Variants in COL12A1 observed in about 807,000 individuals in gnomAD.
COL12A1 encodes collagen alpha-1(XII) chain.
Under a neutral mutation model 349.7 loss-of-function variants are expected in COL12A1, and 114 were observed. The observed-to-expected ratio is 0.33, with a 90% CI of 0.28 to 0.38. The LOEUF is 0.38. Among genes scored for constraint, COL12A1 ranks in the 10% least tolerant of loss-of-function variants. The pLI is 1.00. For missense variants in COL12A1, 3,284 were observed against 3,756.9 expected (o/e 0.87, Z 3.29); for synonymous variants, 1,369 against 1,329.0 (o/e 1.03, Z -0.66).
At chr6:75,130,733 G>T in intron 36 of COL12A1, 119 bp downstream of exon 36, 1 of 1,288,690 alleles carries the variant, frequency 7.8e-7, no homozygotes, top group African/African-American at 1.5e-5. Flanking sequence ...GTAAATGTAG[G>T]GGATCCCAGG....
At position 75,164,636 on chromosome 6, in the gene COL12A1, T is replaced by C. The variant is rs190027505; in HGVS notation, c.2983+871A>G. Among the ~76,000 whole-genome samples the C allele has an allele frequency of 5.4e-4, 82 of 152,294 alleles. 1 individual carries two copies. Among genetic ancestry groups the C allele is most frequent in the African/African-American group, 1.8e-3 (73 of 41,574 alleles). On this transcript the variant is annotated intron_variant, in intron 14 of 65. Transcript: ENST00000322507. ...GAGCAGAAGGTACAGAAATTTCCCA[T>C]GTACCTTTTCCCACCTCCACACATG... is the stretch of plus-strand genomic sequence containing the variant.
chr6:75,093,376 A>G (rs1358957607), intron 60 of COL12A1, among the ~76,000 whole-genome samples: 1 of 152,216 alleles, frequency 6.6e-6, no homozygotes, highest in African/African-American at 2.4e-5. Flanking sequence ...AGAAGATATC[A>G]ACTGATTATA....
At chr6:75,161,512 G>T (rs370431726) in intron 14 of COL12A1, among the ~76,000 whole-genome samples, 61 of 152,140 alleles carry the variant, frequency 4.0e-4, no homozygotes, top group African/African-American at 1.4e-3. Context: ...TGCCACGTCT[G>T]CTCCTTGTTC....
chr6:75,137,470 A>G lies in COL12A1; in HGVS notation c.5361T>C (p.Tyr1787=). Residue 1787 remains tyrosine (Y), a synonymous_variant, in exon 31 of 66, where the codon TAT becomes TAC. Coordinates refer to ENST00000322507, the MANE Select transcript of COL12A1 (RefSeq NM_004370.6). The stretch of plus-strand genomic sequence containing the variant: ...CATTGCCTTCCCCTGTGGAAGGCTG[A>G]TAAGTGATCCTATATTTCTGCACAC... ...SGRVQKYRIT[Y]QPSTGEGNEQ... The G allele has an allele frequency of 6.2e-7, 1 of 1,613,310 alleles. No homozygotes were observed. The highest frequency in any genetic ancestry group is 8.5e-7 in the Non-Finnish European group (1 of 1,179,658).
intron 52 of COL12A1, among the ~76,000 whole-genome samples, chr6:75,106,992 C>T (rs1768599065): frequency 7.0e-6 from 1 of 143,628 alleles, no homozygotes; most frequent in Non-Finnish European, 1.5e-5. Context: ...ACATCTGCCT[C>T]CCAGGTTCAA....
At chr6:75,123,268 C>G in intron 43 of COL12A1, 62 bp downstream of exon 43, 1 of 1,323,282 alleles carries the variant, frequency 7.6e-7, no homozygotes, top group Non-Finnish European at 1.1e-6. Context: ...GCACATGCAG[C>G]GTAAATAAGA....
intron 31 of COL12A1, among the ~76,000 whole-genome samples, chr6:75,136,999 C>T (rs924628259): frequency 1.3e-5 from 2 of 151,942 alleles, no homozygotes; most frequent in Non-Finnish European, 1.5e-5. Flanking sequence ...AGAAGACACC[C>T]TATGACATGC....
At chr6:75,133,530 G>A (rs1766419779) in intron 33 of COL12A1, 108 bp from the exon 34 acceptor site, 2 of 1,129,508 alleles carry the variant, frequency 1.8e-6, no homozygotes, top group Non-Finnish European at 2.5e-6. Flanking sequence ...AGTAGGTTCT[G>A]TAATATTAGG....
In COL12A1 at chr6:75,091,719, T is replaced by TTC. The variant is rs371292617; in HGVS notation, c.8650-196_8650-195dup. Among the ~76,000 whole-genome samples the TTC allele has an allele frequency of 7.9e-3, 1,187 of 150,616 alleles. 18 individuals are homozygous for TTC. Among genetic ancestry groups the TTC allele is most frequent in the African/African-American group, 0.026 (1,074 of 41,310 alleles). ...ATCTAATCTCTCTCTCTCTCTCTCT[T>TTC]TCTCTCTCTCTCTCTGAAGCACATG... On this transcript the variant is annotated intron_variant, in intron 60 of 65. Coordinates refer to ENST00000322507, the MANE Select transcript of COL12A1 (RefSeq NM_004370.6).
At chr6:75,111,386 T>G (rs1379902451) in intron 51 of COL12A1, among the ~76,000 whole-genome samples, 5 of 151,722 alleles carry the variant, frequency 3.3e-5, no homozygotes, top group Admixed American at 2.6e-4. Flanking sequence ...AAGAAGAGAA[T>G]GTCAAAAAAA....
Position 75,151,302 on chromosome 6 carries a change from AT to A in COL12A1, c.4001-16del. On this transcript the variant is annotated splice_polypyrimidine_tract_variant and intron_variant, in intron 20 of 65. Coordinates refer to ENST00000322507, the MANE Select transcript of COL12A1 (RefSeq NM_004370.6). Reference sequence around the variant, plus strand: ...ATTTTTAATACCTTCAAAAACGGATATATACAAATTAAAAGCACTTCTCAGA... The same window carrying A: ...ATTTTTAATACCTTCAAAAACGGATAATACAAATTAAAAGCACTTCTCAGA... 6.2e-7 allele frequency: 1 copy of A among 1,606,760 alleles called. No individual in the cohort carries two copies. The highest frequency in any genetic ancestry group is 8.5e-7 in the Non-Finnish European group (1 of 1,175,882).
Position 75,133,881 on chromosome 6 carries a change from C to G in COL12A1, c.5641G>C (p.Ala1881Pro). 1 of 1,614,116 alleles carries G rather than the reference C, an allele frequency of 6.2e-7. No individual in the cohort carries two copies. The highest frequency in any genetic ancestry group is 1.1e-5 in the South Asian group (1 of 91,082). The change falls in exon 33 of 66, where the codon GCA (alanine) becomes CCA (proline). Residue 1881 changes from alanine to proline, a missense_variant. Transcript: ENST00000322507. ...PRQYKLFYAPAAGGPEELVPI... is the reference protein window; with the variant it reads ...PRQYKLFYAPPAGGPEELVPI... ...ACCAGTTCCTCTGGACCACCTGCTG[C>G]TGGTGCATAGAAGAGCTTGTACTGA...
In COL12A1 at chr6:75,119,392, C is replaced by T; in HGVS notation, c.7168G>A (p.Ala2390Thr). ...TYNDKALALG[A>T]LQNIRYRGGN... ...CCTCTGTACCTAATATTCTGGAGGG[C>T]CCCAAGGGCTAGGGCCTTGTCATTG... is the stretch of plus-strand genomic sequence containing the variant. The change falls in exon 45 of 66, where the codon GCC (alanine) becomes ACC (threonine). Residue 2390 changes from alanine to threonine, a missense_variant. Around this residue, in one of 2 missense-constraint regions of COL12A1, gnomAD observed 683 missense variants for 932.1 expected, o/e 0.73. Coordinates refer to ENST00000322507, the MANE Select transcript of COL12A1 (RefSeq NM_004370.6). The T allele has an allele frequency of 6.2e-7, 1 of 1,613,906 alleles. No individual in the cohort carries two copies. Among genetic ancestry groups the T allele is most frequent in the South Asian group, 1.1e-5 (1 of 91,058 alleles).
At chr6:75,087,346 T>A in intron 65 of COL12A1, 1 of 472,168 alleles carries the variant, frequency 2.1e-6, no homozygotes, top group Admixed American at 4.0e-5. Context: ...AGGTTTATGA[T>A]GTGATTTGGT....
chr6:75,200,861 G>A (rs1770491236), intron 2 of COL12A1, among the ~76,000 whole-genome samples: 1 of 150,640 alleles, frequency 6.6e-6, no homozygotes. Flanking sequence ...AGAGAATAAG[G>A]CCAAAAAATG....
At chr6:75,152,109 C>G (rs377017988) in intron 19 of COL12A1, 22 bp downstream of exon 19, 2 of 1,613,844 alleles carry the variant, frequency 1.2e-6, no homozygotes, top group Non-Finnish European at 1.7e-6. Flanking sequence ...AGCTGAAAGA[C>G]TGTCAGACAG....
rs748487098 is a variant in COL12A1, at chr6:75,137,495, C to G, written c.5336G>C (p.Arg1779Pro). ...ATAAGTGATCCTATATTTCTGCACACGACCACTAGCAGGATCCCACTTAAC... is the reference window on the plus strand; with the variant it reads ...ATAAGTGATCCTATATTTCTGCACAGGACCACTAGCAGGATCCCACTTAAC... Reference protein sequence around the residue: ...LTVKWDPASGRVQKYRITYQP... With the variant: ...LTVKWDPASGPVQKYRITYQP... Residue 1779 changes from arginine (R) to proline (P), a missense_variant, in exon 31 of 66, where the codon CGT becomes CCT. Physicochemically the swap from Arg to Pro is moderately radical, Grantham distance 103. Transcript: ENST00000322507. The G allele has an allele frequency of 1.2e-6, 2 of 1,613,714 alleles. No individual in the cohort carries two copies. The highest frequency in any genetic ancestry group is 1.7e-6 in the Non-Finnish European group (2 of 1,179,806).
chr6:75,140,114 A>G (rs9360885), intron 27 of COL12A1, among the ~76,000 whole-genome samples: 1 of 152,176 alleles, frequency 6.6e-6, no homozygotes, highest in African/African-American at 2.4e-5. Context: ...AAAAATATTA[A>G]TCTACTATAC....
intron 13 of COL12A1, among the ~76,000 whole-genome samples, chr6:75,169,324 C>T (rs537185526): frequency 2.0e-5 from 3 of 152,188 alleles, no homozygotes; most frequent in East Asian, 1.9e-4. Flanking sequence ...CTAAGAGGGA[C>T]TAGGAAAGAG....
Sources: gnomAD v4.1 joint callset for allele counts (sites outside exome capture counted in the v4.1 genomes callset) on GRCh38, gnomAD v4.1.1 for gene constraint, gnomAD v4.1.1 regional missense constraint, MANE v1.5 for transcripts, NCBI Gene and HGNC (gene_info 2026-07-23, HGNC 2026-07-21) for gene names.